Variants in EIF4G1 observed in about 807,000 individuals in gnomAD.
EIF4G1 encodes EIF4-gamma.
In EIF4G1, 4 loss-of-function variants were observed where a neutral mutation model predicts 187.8. The ratio of observed to expected loss-of-function variants is 0.02; its 90% CI spans 0.01 to 0.05. EIF4G1 has a LOEUF of 0.05. EIF4G1 is among the 10% of genes least tolerant of loss of function. The pLI is 1.00. For missense variants in EIF4G1, 1,647 were observed against 2,081.1 expected (o/e 0.79, Z 4.06); for synonymous variants, 844 against 781.4 (o/e 1.08, Z -1.34).
intron 26 of EIF4G1, 142 bp from the exon 27 acceptor site, chr3:184,328,488 TG>T: frequency 8.7e-7 from 1 of 1,148,496 alleles, no homozygotes; most frequent in Non-Finnish European, 1.3e-6. Context: ...GACACAGAGG[TG>T]GCCTTAGCTT....
At chr3:184,319,423 A>AGG (rs1560209286) in intron 6 of EIF4G1, among the ~76,000 whole-genome samples, 1 of 137,998 alleles carries the variant, frequency 7.2e-6, no homozygotes, top group South Asian at 2.4e-4. Flanking sequence ...CCTGCCTACG[A>AGG]GGGGTGTGTG....
chr3:184,332,703 GA>G (rs1400778624), intron 32 of EIF4G1, among the ~76,000 whole-genome samples: 2 of 152,168 alleles, frequency 1.3e-5, no homozygotes, highest in African/African-American at 4.8e-5. Context: ...CTGGGAAGGG[GA>G]GGGGGAGAAT....
In EIF4G1 at chr3:184,325,300, A is replaced by G. The variant is rs200601328; in HGVS notation, c.2888A>G (p.Glu963Gly). 2 of 1,614,162 alleles carry G rather than the reference A, an allele frequency of 1.2e-6. No homozygotes were observed. The highest frequency in any genetic ancestry group is 1.7e-6 in the Non-Finnish European group (2 of 1,180,026). ...PRMDQYFNQM[E>G]KIIKEKKTSS... is the part of the protein sequence containing the mutation. ...ATGGATCAGTATTTCAACCAGATGGAAAAAATCATTAAAGAAAAGAAGACG... is the reference window on the plus strand; with the variant it reads ...ATGGATCAGTATTTCAACCAGATGGGAAAAATCATTAAAGAAAAGAAGACG... The change falls in exon 19 of 33, where the codon GAA becomes GGA. Residue 963 changes from glutamate to glycine, a missense_variant. By Grantham distance (98) the Glu-to-Gly change is moderately conservative. Around this residue, in one of 11 missense-constraint regions of EIF4G1, gnomAD observed 142 missense variants for 296.6 expected, o/e 0.48. Transcript: ENST00000346169. The surrounding 1 kb of genome is among the most constrained non-coding windows in gnomAD (Gnocchi z 5.2).
intron 1 of EIF4G1, chr3:184,315,047 A>C: frequency 5.4e-6 from 1 of 185,640 alleles, no homozygotes; most frequent in Non-Finnish European, 1.1e-5. Context: ...GGCCGCCGGG[A>C]AGTGACACGT....
intron 21 of EIF4G1, 125 bp downstream of exon 21, chr3:184,326,076 AC>A: frequency 9.7e-7 from 1 of 1,027,408 alleles, no homozygotes; most frequent in Non-Finnish European, 1.5e-6. Context: ...ATTGCTGGAG[AC>A]AGGACTGCCA....
chr3:184,318,427 G>GCCTCAAAATA (rs1476611877), intron 6 of EIF4G1, among the ~76,000 whole-genome samples: 9 of 152,066 alleles, frequency 5.9e-5, no homozygotes, highest in African/African-American at 1.9e-4. Flanking sequence ...GACCAGCCTG[G>GCCTCAAAATA]GAAACTTAGT....
chr3:184,318,967 G>C (rs1262050212), intron 6 of EIF4G1, among the ~76,000 whole-genome samples: 1 of 151,838 alleles, frequency 6.6e-6, no homozygotes, highest in South Asian at 2.1e-4. Flanking sequence ...CCAGCTATTC[G>C]GGAGGCTGAG....
rs746457724 is a variant in EIF4G1, at chr3:184,328,646, G to A, written c.3969G>A (p.Leu1323=). 5.0e-6 allele frequency: 8 copies of A among 1,614,152 alleles called. No homozygotes were observed. The highest frequency in any genetic ancestry group is 6.8e-6 in the Non-Finnish European group (8 of 1,180,024). ...CCCTTGGCAGGTTGTATGAAATCTT[G>A]GAATTGGCTGAGGACATGGAAATTG... is the stretch of plus-strand genomic sequence containing the variant. The part of the protein sequence containing the change: ...AQYYQGLYEI[L]ELAEDMEIDI... Residue 1323 remains leucine, a synonymous_variant, in exon 27 of 33, where the codon TTG becomes TTA. Coordinates refer to ENST00000346169, the MANE Select transcript of EIF4G1 (RefSeq NM_198241.3).
rs1219622043 is a variant in EIF4G1 at position 184,325,443 on chromosome 3, C to G, written c.2962-37C>G. 1 of 1,614,198 alleles carries G rather than the reference C, an allele frequency of 6.2e-7. No homozygotes were observed. The highest frequency in any genetic ancestry group is 8.5e-7 in the Non-Finnish European group (1 of 1,180,036). On this transcript the variant is annotated intron_variant, in intron 19 of 32. Coordinates refer to ENST00000346169, the MANE Select transcript of EIF4G1 (RefSeq NM_198241.3). This position sits in a 1 kb window ranked among gnomAD's most constrained non-coding sequence, Gnocchi z 5.2. ...TTCTGACACTGCCTTGTCTTGCCTT[C>G]CCTGACATCATCGTGACTGGCCCTC...
Position 184,323,013 on chromosome 3 carries a change from G to T in EIF4G1, c.1929+59G>T. 2 of 1,614,170 alleles carry T rather than the reference G, an allele frequency of 1.2e-6. No individual in the cohort carries two copies. Among genetic ancestry groups the T allele is most frequent in the South Asian group, 2.2e-5 (2 of 91,080 alleles). ...TTTGTGCTGGATGGATTGGGGAGGA[G>T]CCTGAGGTCCTGAAAGAGTAGTCAA... On this transcript the variant is annotated intron_variant, in intron 13 of 32. Transcript: ENST00000346169. This position sits in a 1 kb window ranked among gnomAD's most constrained non-coding sequence, Gnocchi z 6.9.
Position 184,334,872 on chromosome 3 carries a change from G to T in EIF4G1, c.4764G>T (p.Trp1588Cys). The T allele has an allele frequency of 6.2e-7, 1 of 1,614,220 alleles. No homozygotes were observed. The highest frequency in any genetic ancestry group is 8.5e-7 in the Non-Finnish European group (1 of 1,180,032). The change falls in exon 33 of 33, where the codon TGG becomes TGT. Residue 1588 changes from tryptophan (W) to cysteine (C), a missense_variant. Transcript: ENST00000346169. The surrounding 1 kb of genome is among the most constrained non-coding windows in gnomAD (Gnocchi z 5.8). ...ALKSVTAFFK[W>C]LREAEEESDH... ...AATCTGTCACAGCCTTCTTCAAGTG[G>T]CTCCGTGAAGCAGAGGAGGAGTCTG...
At position 184,322,632 on chromosome 3, in the gene EIF4G1, G is replaced by A. The variant is rs1025100477; in HGVS notation, c.1697G>A (p.Arg566His). 6.8e-6 allele frequency: 11 copies of A among 1,614,074 alleles called. No homozygotes were observed. Among genetic ancestry groups the A allele is most frequent in the East Asian group, 4.5e-5 (2 of 44,890 alleles). The stretch of plus-strand genomic sequence containing the variant: ...TCTGAGGGCAGTGGTGTGCCCCCAC[G>A]TCCTGAGGAAGCAGATGAGACCTGG... ...PESEGSGVPP[R>H]PEEADETWDS... is the part of the protein sequence containing the mutation. The change falls in exon 12 of 33, where the codon CGT (arginine) becomes CAT (histidine). Residue 566 changes from arginine to histidine, a missense_variant. By Grantham distance (29) the Arg-to-His change is conservative. Coordinates refer to ENST00000346169, the MANE Select transcript of EIF4G1 (RefSeq NM_198241.3).
chr3:184,331,923 C>CACTCATCCCTGTCTTCTTGTAGTTGAG, intron 31 of EIF4G1, 23 bp from the exon 32 acceptor site: 1 of 1,613,996 alleles, frequency 6.2e-7, no homozygotes, highest in Non-Finnish European at 8.5e-7. Context: ...TATATTGCTC[C>CACTCATCCCTGTCTTCTTGTAGTTGAG]ACTCATCCCT....
At chr3:184,321,036 T>C (rs779764384) in intron 9 of EIF4G1, 43 bp downstream of exon 9, 1 of 1,604,168 alleles carries the variant, frequency 6.2e-7, no homozygotes, top group Non-Finnish European at 8.5e-7. Flanking sequence ...GGAAAGGGAA[T>C]GTTAACAGTT....
At chr3:184,328,107 G>A in intron 26 of EIF4G1, 105 bp downstream of exon 26, 7 of 1,381,108 alleles carry the variant, frequency 5.1e-6, no homozygotes, top group Non-Finnish European at 7.1e-6. Flanking sequence ...TCCCTGGCCG[G>A]GTGTGGTGGC....
intron 28 of EIF4G1, among the ~76,000 whole-genome samples, chr3:184,330,142 A>T (rs3792302): frequency 1.3e-5 from 2 of 152,100 alleles, no homozygotes; most frequent in African/African-American, 4.8e-5. Flanking sequence ...TTTGGGAGGC[A>T]GAGGTGGGTG....
chr3:184,322,203 C>T, intron 10 of EIF4G1, 100 bp downstream of exon 10: 1 of 1,580,800 alleles, frequency 6.3e-7, no homozygotes, highest in Non-Finnish European at 8.7e-7. Context: ...TGGGTCCCTG[C>T]AATGGAATCT....
At chr3:184,316,358 G>T in intron 4 of EIF4G1, 140 bp downstream of exon 4, 4 of 1,150,696 alleles carry the variant, frequency 3.5e-6, no homozygotes, top group Non-Finnish European at 3.7e-6. Context: ...TCTGCGCCTT[G>T]CCCTGTTGAT....
chr3:184,333,673 C>G (rs867129419), intron 32 of EIF4G1, among the ~76,000 whole-genome samples: 2 of 152,158 alleles, frequency 1.3e-5, no homozygotes, highest in African/African-American at 4.8e-5. Flanking sequence ...GGGACAGATT[C>G]TGGATTGGAA....
Sources: allele counts gnomAD v4.1 joint callset (sites outside exome capture counted in the v4.1 genomes callset), GRCh38; gene constraint gnomAD v4.1.1; regional missense constraint gnomAD v4.1.1; non-coding constraint Gnocchi (gnomAD v3.1); transcripts MANE v1.5; gene names NCBI Gene and HGNC (gene_info 2026-07-23, HGNC 2026-07-21).